The following CHD2 variants were observed in gnomAD, a reference collection of about 807,000 sequenced individuals.
CHD2 encodes ATP-dependent chromatin remodeler CHD2.
In CHD2, 28 loss-of-function variants were observed where a neutral mutation model predicts 243.9. The observed-to-expected ratio is 0.11, with a 90% CI of 0.09 to 0.16. The LOEUF (loss-of-function observed/expected upper bound fraction) is 0.16. CHD2 is among the 10% of genes least tolerant of loss of function. CHD2 has a pLI of 1.00. For synonymous variants in CHD2, 775 were observed against 779.0 expected, an observed-to-expected ratio of 0.99 and a Z score of 0.09; for missense variants, 1,386 against 2,209.8, an observed-to-expected ratio of 0.63 and a Z score of 7.47.
intron 10 of CHD2, 67 bp from the exon 11 acceptor site, chr15:92,945,754 T>C: frequency 9.5e-7 from 1 of 1,053,374 alleles, no homozygotes; most frequent in Non-Finnish European, 1.4e-6. Flanking sequence ...ATTTTATTCA[T>C]AGAACCCAAA....
intron 2 of CHD2, among the ~76,000 whole-genome samples, chr15:92,914,092 G>A (rs971058815): frequency 1.3e-5 from 2 of 152,162 alleles, no homozygotes; most frequent in African/African-American, 4.8e-5. Flanking sequence ...AAAGTCTAAA[G>A]TTTATAACCT....
chr15:92,908,971 T>C (rs2052675433), intron 2 of CHD2, among the ~76,000 whole-genome samples: 1 of 151,898 alleles, frequency 6.6e-6, no homozygotes, highest in African/African-American at 2.4e-5. Context: ...ATACAAAGAT[T>C]AGCTGGACAT....
chr15:92,955,292 T>G, intron 14 of CHD2, 131 bp from the exon 15 acceptor site: 1 of 544,216 alleles, frequency 1.8e-6, no homozygotes, highest in Non-Finnish European at 3.1e-6. Flanking sequence ...TTTTAGAATG[T>G]GAGATATTCA....
intron 2 of CHD2, among the ~76,000 whole-genome samples, chr15:92,903,844 CAGATTTATTTTTATAACCTG>C: frequency 6.6e-6 from 1 of 152,244 alleles, no homozygotes; most frequent in Middle Eastern, 3.4e-3. Flanking sequence ...GCCTTTGAGC[CAGATTTATTTTTATAACCTG>C]AGGTGCGGGT....
intron 7 of CHD2, among the ~76,000 whole-genome samples, chr15:92,940,867 A>T (rs1172475497): frequency 6.5e-5 from 8 of 122,770 alleles, no homozygotes. Flanking sequence ...TAAATATATA[A>T]AAATATACAT....
intron 32 of CHD2, among the ~76,000 whole-genome samples, chr15:93,000,987 A>G (rs993081098): frequency 1.3e-5 from 2 of 151,982 alleles, no homozygotes; most frequent in African/African-American, 2.4e-5. Flanking sequence ...TCCTGCTTCA[A>G]CCTCCCAAGT....
At chr15:92,947,878 T>G (rs2053494718) in intron 12 of CHD2, among the ~76,000 whole-genome samples, 1 of 152,222 alleles carries the variant, frequency 6.6e-6, no homozygotes, top group Non-Finnish European at 1.5e-5. Flanking sequence ...ATACTTCTCA[T>G]AATGTGTGCT....
chr15:92,910,961 C>T (rs539962116), intron 2 of CHD2, among the ~76,000 whole-genome samples: 1 of 152,286 alleles, frequency 6.6e-6, no homozygotes, highest in Admixed American at 6.5e-5. Flanking sequence ...TGTTACAGTA[C>T]TGAATGCTGT....
intron 36 of CHD2, among the ~76,000 whole-genome samples, chr15:93,013,677 G>A (rs1005497573): frequency 6.6e-6 from 1 of 152,166 alleles, no homozygotes; most frequent in Admixed American, 6.5e-5. Context: ...GCTCGTGCCT[G>A]TAATCCCAGC....
In CHD2 at chr15:93,026,901, A is replaced by G. The variant is rs1039032779; in HGVS notation, c.*2196A>G. 3 of 152,706 alleles carry G rather than the reference A, an allele frequency of 2.0e-5. No homozygotes were observed. The highest frequency in any genetic ancestry group is 4.8e-5 in the African/African-American group (2 of 41,456). The allele number at this position is 152,706 out of a possible 1,614,324, so 9.5% of individuals were successfully genotyped here. A position where few individuals can be genotyped will look rare whatever the true frequency, so the allele number is the denominator to read the frequency against. ...TCACCAGAGGTCCTGCATTTCCATCAGGGTTTCCACAGTCATCAGGGCTTC... is the reference window on the plus strand; with the variant it reads ...TCACCAGAGGTCCTGCATTTCCATCGGGGTTTCCACAGTCATCAGGGCTTC... On this transcript the variant is annotated 3_prime_UTR_variant, in exon 39 of 39. Coordinates refer to ENST00000394196, the MANE Select transcript of CHD2 (RefSeq NM_001271.4).
At chr15:92,983,507 C>T (rs758638321) in intron 24 of CHD2, among the ~76,000 whole-genome samples, 1 of 152,138 alleles carries the variant, frequency 6.6e-6, no homozygotes, top group Non-Finnish European at 1.5e-5. Flanking sequence ...CTCATTTATA[C>T]CTTATGACTG....
At chr15:92,902,013 T>C (rs1407223996) in intron 2 of CHD2, 1 of 389,938 alleles carries the variant, frequency 2.6e-6, no homozygotes, top group Non-Finnish European at 4.5e-6. Context: ...TTCTATTTTG[T>C]GTTTGTTACT....
intron 37 of CHD2, 64 bp downstream of exon 37, chr15:93,014,973 C>T (rs1016381343): frequency 7.4e-7 from 1 of 1,352,056 alleles, no homozygotes; most frequent in African/African-American, 1.4e-5. Context: ...ACAGCCGTTT[C>T]ATTTTCCAAA....
intron 34 of CHD2, among the ~76,000 whole-genome samples, chr15:93,007,602 C>T (rs948483497): frequency 6.6e-6 from 1 of 152,110 alleles, no homozygotes; most frequent in Non-Finnish European, 1.5e-5. Context: ...AATTTCATGA[C>T]CATGTGTCTT....
intron 34 of CHD2, among the ~76,000 whole-genome samples, chr15:93,008,186 CTCTGGAAT>C (rs2054346144): frequency 6.6e-6 from 1 of 152,212 alleles, no homozygotes. Flanking sequence ...GCTCCATCCA[CTCTGGAAT>C]GTGAGAGGCA....
At chr15:92,916,476 ATATT>A (rs1479116684) in intron 2 of CHD2, among the ~76,000 whole-genome samples, 2 of 152,358 alleles carry the variant, frequency 1.3e-5, no homozygotes, top group East Asian at 1.9e-4. Flanking sequence ...AGAGCTCTGA[ATATT>A]TATTTGCCTC....
At chr15:92,988,151 C>T (rs886116567) in intron 26 of CHD2, among the ~76,000 whole-genome samples, 12 of 151,666 alleles carry the variant, frequency 7.9e-5, no homozygotes, top group African/African-American at 2.7e-4. Flanking sequence ...GGTGCAATCT[C>T]GGCCCACTGC....
In CHD2 at chr15:92,958,889, T is replaced by G. The variant is rs539445916; in HGVS notation, c.2000+2240T>G. 1.1e-3 allele frequency among the ~76,000 whole-genome samples: 166 copies of G among 152,348 alleles called. 1 individual carries two copies. The highest frequency in any genetic ancestry group is 3.9e-3 in the African/African-American group (162 of 41,566). On this transcript the variant is annotated intron_variant, in intron 16 of 38. Coordinates refer to ENST00000394196, the MANE Select transcript of CHD2 (RefSeq NM_001271.4). ...CGTTCTGAGCACATTCAGGGTAGGC[T>G]ACGGTGTGATGTTCTGTAGGTTAAG... is the stretch of plus-strand genomic sequence containing the variant.
At chr15:92,904,879 C>T (rs554132848) in intron 2 of CHD2, 480 of 1,531,844 alleles carry the variant, frequency 3.1e-4, no homozygotes, top group Non-Finnish European at 3.9e-4. Flanking sequence ...GTGAAAACCT[C>T]TTGACGGGTG....
Sources: gnomAD v4.1 joint callset for allele counts (sites outside exome capture counted in the v4.1 genomes callset) on GRCh38, gnomAD v4.1.1 for gene constraint, MANE v1.5 for transcripts, NCBI Gene and HGNC (gene_info 2026-07-23, HGNC 2026-07-21) for gene names.